MAN1C1: variants seen among roughly 807,000 people sequenced by gnomAD.
The protein encoded by MAN1C1 is mannosyl-oligosaccharide 1,2-alpha-mannosidase IC.
A neutral mutation model predicts 71.5 loss-of-function variants in MAN1C1; 49 were observed. The observed-to-expected ratio is 0.69, with a 90% CI of 0.54 to 0.87. MAN1C1 has a LOEUF of 0.87. Ranked by LOEUF, MAN1C1 falls within the 40% of genes least tolerant of loss-of-function variation. The probability of loss-of-function intolerance (pLI) is 0.00; values close to 1 mark genes in which losing one functional copy is unlikely to be tolerated. For missense variants in MAN1C1, 743 were observed against 835.0 expected, an observed-to-expected ratio of 0.89 and a Z score of 1.36; for synonymous variants, 352 against 343.7, an observed-to-expected ratio of 1.02 and a Z score of -0.27.
chr1:25,660,907 T>C (rs1005165900), intron 1 of MAN1C1, among the ~76,000 whole-genome samples: 2 of 150,618 alleles, frequency 1.3e-5, no homozygotes, highest in African/African-American at 4.9e-5. Flanking sequence ...CCCAGGCTGG[T>C]CTCAAACTTC....
At chr1:25,663,847 C>T (rs764437326) in intron 1 of MAN1C1, among the ~76,000 whole-genome samples, 1 of 152,122 alleles carries the variant, frequency 6.6e-6, no homozygotes, top group African/African-American at 2.4e-5. Context: ...GGAGGCCCAC[C>T]AAGTCCATAA....
intron 1 of MAN1C1, among the ~76,000 whole-genome samples, chr1:25,637,575 G>T (rs2045479948): frequency 6.6e-6 from 1 of 151,886 alleles, no homozygotes; most frequent in Non-Finnish European, 1.5e-5. Context: ...GGTCAGATAG[G>T]TTGATAGTGT....
At chr1:25,768,245 C>G (rs2047479543) in intron 7 of MAN1C1, among the ~76,000 whole-genome samples, 1 of 42,252 alleles carries the variant, frequency 2.4e-5, no homozygotes, top group Non-Finnish European at 4.8e-5. Flanking sequence ...CCCTCACACA[C>G]ATCCACACTC....
chr1:25,743,924 G>A (rs1250974455), intron 2 of MAN1C1, among the ~76,000 whole-genome samples: 2 of 152,218 alleles, frequency 1.3e-5, no homozygotes, highest in Non-Finnish European at 2.9e-5. Context: ...TTTTCACAGA[G>A]AATTGAGCGG....
chr1:25,752,408 C>G (rs1303084238), intron 4 of MAN1C1, among the ~76,000 whole-genome samples: 2 of 152,154 alleles, frequency 1.3e-5, no homozygotes, highest in African/African-American at 4.8e-5. Context: ...CTCAGGTGAT[C>G]CACCTGCTTC....
intron 1 of MAN1C1, among the ~76,000 whole-genome samples, chr1:25,619,027 G>C (rs1410463039): frequency 6.6e-6 from 1 of 152,212 alleles, no homozygotes; most frequent in African/African-American, 2.4e-5. Context: ...AGCAGATCTT[G>C]AGCTGGTTCC....
At position 25,634,120 on chromosome 1, in the gene MAN1C1, T is replaced by TA. The variant is rs2045423807; in HGVS notation, c.540+15783_540+15784insA. On this transcript the variant is annotated intron_variant, in intron 1 of 11. Transcript: ENST00000374332. The surrounding 1 kb of genome is among the most constrained non-coding windows in gnomAD (Gnocchi z 4.6). ...TGAACCAATTTATTATGTATATATA[T>TA]TTTTTGGTAGCTTTCTTAGGATCTG... Among the ~76,000 whole-genome samples, 1 of 152,210 alleles carries TA rather than the reference T, an allele frequency of 6.6e-6. No individual in the cohort carries two copies.
intron 1 of MAN1C1, among the ~76,000 whole-genome samples, chr1:25,676,284 G>C (rs191164391): frequency 6.6e-6 from 1 of 152,096 alleles, no homozygotes; most frequent in Non-Finnish European, 1.5e-5. Context: ...TCAATAGCTT[G>C]AGTAAACCCG....
chr1:25,752,134 G>C (rs1271041397), intron 4 of MAN1C1, among the ~76,000 whole-genome samples: 2 of 152,018 alleles, frequency 1.3e-5, no homozygotes, highest in Non-Finnish European at 2.9e-5. Context: ...GGAGTAACTC[G>C]TATAACCACA....
intron 1 of MAN1C1, among the ~76,000 whole-genome samples, chr1:25,651,328 G>A (rs766073534): frequency 2.0e-5 from 3 of 152,126 alleles, no homozygotes; most frequent in African/African-American, 7.2e-5. Context: ...GGTTGGTCCC[G>A]GCCTGCACTG....
chr1:25,747,393 C>T (rs1044065701), intron 3 of MAN1C1, among the ~76,000 whole-genome samples: 7 of 152,232 alleles, frequency 4.6e-5, no homozygotes, highest in African/African-American at 1.7e-4. Flanking sequence ...CACCACAGCC[C>T]ACCATGTTGA....
chr1:25,761,620 C>CTTTTTTCT (rs2047359637), intron 6 of MAN1C1: 1 of 95,814 alleles, frequency 1.0e-5, no homozygotes, highest in African/African-American at 4.3e-5. Flanking sequence ...ACCTCTACTT[C>CTTTTTTCT]TTTTTTTTTT....
intron 4 of MAN1C1, among the ~76,000 whole-genome samples, chr1:25,752,124 G>A (rs1238388399): frequency 1.3e-5 from 2 of 152,092 alleles, no homozygotes; most frequent in Non-Finnish European, 1.5e-5. Flanking sequence ...AGTGCCCATG[G>A]GAGTAACTCG....
chr1:25,706,188 C>T (rs551019236), intron 2 of MAN1C1, among the ~76,000 whole-genome samples: 1 of 152,206 alleles, frequency 6.6e-6, no homozygotes, highest in Non-Finnish European at 1.5e-5. Flanking sequence ...CTTGCTTCCT[C>T]TCTTCCAGCT....
intron 2 of MAN1C1, among the ~76,000 whole-genome samples, chr1:25,740,665 T>C (rs1250859036): frequency 6.6e-6 from 1 of 152,082 alleles, no homozygotes; most frequent in East Asian, 1.9e-4. Flanking sequence ...CTCGATCTCC[T>C]GACCTCGTGA....
chr1:25,660,636 G>A (rs574516587), intron 1 of MAN1C1, among the ~76,000 whole-genome samples: 11 of 151,164 alleles, frequency 7.3e-5, no homozygotes, highest in South Asian at 4.2e-4. Context: ...CTCGTGATCC[G>A]CCCGCCTCGG....
chr1:25,699,126 G>A (rs11583389), intron 2 of MAN1C1, among the ~76,000 whole-genome samples: 7,650 of 151,968 alleles, frequency 0.05, 388 homozygotes, highest in East Asian at 0.18. Flanking sequence ...GACCAACATG[G>A]AGAAACCCCA....
At position 25,764,918 on chromosome 1, in the gene MAN1C1, C is replaced by T. The variant is rs1437064311; in HGVS notation, c.1141+951C>T. ...CAAAAAGTAGCTGGGTGTGGTGGCA[C>T]GTGTCTCTAGTCCCAGCTACTCAGG... On this transcript the variant is annotated intron_variant, in intron 7 of 11. Coordinates refer to ENST00000374332, the MANE Select transcript of MAN1C1 (RefSeq NM_020379.4). The surrounding 1 kb of genome is among the most constrained non-coding windows in gnomAD (Gnocchi z 4.4). 6.6e-6 allele frequency among the ~76,000 whole-genome samples: 1 copy of T among 151,878 alleles called. No individual in the cohort carries two copies. The highest frequency in any genetic ancestry group is 2.4e-5 in the African/African-American group (1 of 41,352).
intron 7 of MAN1C1, among the ~76,000 whole-genome samples, chr1:25,766,789 A>G (rs2047433479): frequency 6.6e-6 from 1 of 152,034 alleles, no homozygotes; most frequent in African/African-American, 2.4e-5. Flanking sequence ...CACTGCCTGA[A>G]TCCCACACTT....
Sources: allele counts gnomAD v4.1 joint callset (sites outside exome capture counted in the v4.1 genomes callset), GRCh38; gene constraint gnomAD v4.1.1; non-coding constraint Gnocchi (gnomAD v3.1); transcripts MANE v1.5; gene names NCBI Gene and HGNC (gene_info 2026-07-23, HGNC 2026-07-21).